TOP6BL: variants seen among roughly 807,000 people sequenced by gnomAD.
TOP6BL encodes the protein type 2 DNA topoisomerase 6 subunit B-like.
chr11:66,759,949 G>T, the TOP6BL span, among the ~76,000 whole-genome samples: 2 of 152,076 alleles, frequency 1.3e-5, no homozygotes, highest in Non-Finnish European at 2.9e-5. Flanking sequence ...TTTATTTTAA[G>T]GAAGCCAAAA....
At chr11:66,753,823 GCCT>G in the TOP6BL span, among the ~76,000 whole-genome samples, 1 of 152,112 alleles carries the variant, frequency 6.6e-6, no homozygotes, top group African/African-American at 2.4e-5. Flanking sequence ...TCCTGCCTCA[GCCT>G]CCTCAGTAGC....
the TOP6BL span, chr11:66,804,298 G>A: frequency 2.1e-6 from 2 of 959,982 alleles, no homozygotes; most frequent in Non-Finnish European, 3.0e-6. Flanking sequence ...AAATATATAT[G>A]ATTTGTATAA....
the TOP6BL span, among the ~76,000 whole-genome samples, chr11:66,799,585 G>C: frequency 6.6e-6 from 1 of 151,644 alleles, no homozygotes; most frequent in Non-Finnish European, 1.5e-5. Flanking sequence ...AGTGGCGCGT[G>C]CCTGTAGTCC....
At chr11:66,786,821 T>C in the TOP6BL span, among the ~76,000 whole-genome samples, 3 of 152,228 alleles carry the variant, frequency 2.0e-5, no homozygotes, top group East Asian at 5.8e-4. Context: ...AACTTCAGTG[T>C]AGCATACCCT....
At chr11:66,778,422 C>T in the TOP6BL span, among the ~76,000 whole-genome samples, 3 of 152,076 alleles carry the variant, frequency 2.0e-5, no homozygotes, top group Non-Finnish European at 4.4e-5. Flanking sequence ...GCTGCGATCA[C>T]AGCACTGCAC....
the TOP6BL span, among the ~76,000 whole-genome samples, chr11:66,752,544 C>T: frequency 7.2e-4 from 109 of 152,092 alleles, no homozygotes; most frequent in Middle Eastern, 3.4e-3. Context: ...CTCCGCCTCC[C>T]GGGTTCAAGT....
At chr11:66,775,670 A>G in the TOP6BL span, among the ~76,000 whole-genome samples, 1 of 152,090 alleles carries the variant, frequency 6.6e-6, no homozygotes, top group Non-Finnish European at 1.5e-5. Context: ...CTTTGAGTTC[A>G]CTTATGGTTC....
At chr11:66,812,185 C>CTTTTTTTT in the TOP6BL span, among the ~76,000 whole-genome samples, 2 of 140,308 alleles carry the variant, frequency 1.4e-5, no homozygotes. Flanking sequence ...GAGTTTGCAT[C>CTTTTTTTT]TTTTTTTTTG....
the TOP6BL span, among the ~76,000 whole-genome samples, chr11:66,779,261 T>C: frequency 6.6e-6 from 1 of 151,970 alleles, no homozygotes; most frequent in African/African-American, 2.4e-5. Flanking sequence ...TGCAACCTAC[T>C]CATCTGACAA....
At chr11:66,781,920 T>C in the TOP6BL span, among the ~76,000 whole-genome samples, 6 of 152,202 alleles carry the variant, frequency 3.9e-5, no homozygotes, top group Non-Finnish European at 8.8e-5. Context: ...CATTTTTGTT[T>C]TATACTGGGC....
chr11:66,815,574 T>C, the TOP6BL span: 1 of 153,774 alleles, frequency 6.5e-6, no homozygotes, highest in African/African-American at 2.4e-5. Context: ...ATTTAACCTA[T>C]CTGTGCCTCT....
At chr11:66,757,523 G>A in the TOP6BL span, among the ~76,000 whole-genome samples, 1 of 152,104 alleles carries the variant, frequency 6.6e-6, no homozygotes, top group Non-Finnish European at 1.5e-5. Context: ...CTCCTGTTTA[G>A]CAGACTAGTC....
chr11:66,794,354 CTG>C, the TOP6BL span, among the ~76,000 whole-genome samples: 1 of 151,966 alleles, frequency 6.6e-6, no homozygotes, highest in Admixed American at 6.6e-5. Context: ...TTCTAGGAGA[CTG>C]TTTCTAACTT....
chr11:66,842,652 A>AC, the TOP6BL span, among the ~76,000 whole-genome samples: 2 of 151,976 alleles, frequency 1.3e-5, no homozygotes, highest in African/African-American at 4.8e-5. Context: ...GAATAGGGAG[A>AC]CCCTGAAACG....
the TOP6BL span, chr11:66,761,672 A>T: frequency 9.8e-7 from 1 of 1,023,874 alleles, no homozygotes; most frequent in South Asian, 1.4e-5. Flanking sequence ...ATCTGCAAAA[A>T]TGTTGTCCAC....
the TOP6BL span, among the ~76,000 whole-genome samples, chr11:66,813,065 A>G: frequency 3.9e-4 from 59 of 152,318 alleles, no homozygotes; most frequent in Non-Finnish European, 1.5e-4. Context: ...AGACAATCCG[A>G]GGAAGTTTCC....
chr11:66,828,229 C>T, the TOP6BL span: 13 of 1,490,580 alleles, frequency 8.7e-6, no homozygotes, highest in African/African-American at 1.2e-4. Context: ...GTTTCCAGTA[C>T]TGGAACTCAG....
the TOP6BL span, among the ~76,000 whole-genome samples, chr11:66,766,705 C>G: frequency 6.6e-6 from 1 of 152,194 alleles, no homozygotes; most frequent in Non-Finnish European, 1.5e-5. Context: ...TTTCTACTTT[C>G]AAGACTTTAA....
chr11:66,835,889 ACTGTCTTGGGTATATAT>A, the TOP6BL span, among the ~76,000 whole-genome samples: 4 of 152,204 alleles, frequency 2.6e-5, no homozygotes, highest in Non-Finnish European at 5.9e-5. Context: ...CATGCTTGTA[ACTGTCTTGGGTATATAT>A]CTAGGAGTAG....
Sources: allele counts gnomAD v4.1 joint callset (sites outside exome capture counted in the v4.1 genomes callset), GRCh38; gene constraint gnomAD v4.1.1; transcripts MANE v1.5; gene names NCBI Gene and HGNC (gene_info 2026-07-23, HGNC 2026-07-21).